The following SPECC1 variants were observed in gnomAD, a reference collection of about 807,000 sequenced individuals.
The protein encoded by SPECC1 is cytospin-B.
In SPECC1, 62 loss-of-function variants were observed where a neutral mutation model predicts 104.1. The observed-to-expected ratio is 0.60, with a 90% CI of 0.49 to 0.74. The LOEUF (loss-of-function observed/expected upper bound fraction) is 0.74. SPECC1 is among the 30% of genes least tolerant of loss of function. The probability of loss-of-function intolerance (pLI) is 0.00; values close to 1 mark genes in which losing one functional copy is unlikely to be tolerated. For missense variants in SPECC1, 1,306 were observed against 1,310.5 expected (o/e 1.00, Z 0.05); for synonymous variants, 513 against 501.6 (o/e 1.02, Z -0.30).
intron 7 of SPECC1, among the ~76,000 whole-genome samples, chr17:20,235,150 C>T (rs1398303708): frequency 6.6e-6 from 1 of 152,148 alleles, no homozygotes; most frequent in African/African-American, 2.4e-5. Context: ...GGTTAGCTGA[C>T]CTTTCCCTGG....
At chr17:20,016,202 A>G (rs1345598351) in intron 1 of SPECC1, among the ~76,000 whole-genome samples, 4 of 142,694 alleles carry the variant, frequency 2.8e-5, no homozygotes, top group Admixed American at 7.0e-5. Context: ...TGGGCGACAG[A>G]GAGCGACTCC....
chr17:20,289,463 G>A (rs1486533830), intron 12 of SPECC1, among the ~76,000 whole-genome samples: 1 of 152,036 alleles, frequency 6.6e-6, no homozygotes, highest in African/African-American at 2.4e-5. Flanking sequence ...CACCATGCCT[G>A]GCTAATTTTT....
intron 1 of SPECC1, among the ~76,000 whole-genome samples, chr17:20,079,686 T>G (rs1403969654): frequency 1.3e-5 from 2 of 152,172 alleles, no homozygotes; most frequent in Non-Finnish European, 2.9e-5. Flanking sequence ...GCTGGCAGTG[T>G]GCTAGGCCCT....
chr17:20,253,701 T>A, intron 10 of SPECC1, 115 bp downstream of exon 10: 1 of 969,706 alleles, frequency 1.0e-6, no homozygotes, highest in African/African-American at 1.6e-5. Context: ...TTCTTGCAAG[T>A]GATTTCAACC....
chr17:20,165,429 TACC>T (rs1395671532), intron 3 of SPECC1, among the ~76,000 whole-genome samples: 2 of 152,262 alleles, frequency 1.3e-5, no homozygotes, highest in East Asian at 3.8e-4. Context: ...GGTGTATATG[TACC>T]ACATTTTCTT....
chr17:20,056,933 C>T (rs2045986785), intron 1 of SPECC1, among the ~76,000 whole-genome samples: 1 of 152,118 alleles, frequency 6.6e-6, no homozygotes, highest in African/African-American at 2.4e-5. Context: ...CAGAGCCCTT[C>T]CATTTCTTTC....
intron 12 of SPECC1, among the ~76,000 whole-genome samples, chr17:20,267,225 ACT>A (rs1206310515): frequency 4.6e-5 from 7 of 151,774 alleles, no homozygotes; most frequent in Non-Finnish European, 1.5e-5. Context: ...CCTCTAAATT[ACT>A]CTCAGTCCTC....
chr17:20,118,446 A>G (rs1257093790), intron 3 of SPECC1, among the ~76,000 whole-genome samples: 1 of 152,234 alleles, frequency 6.6e-6, no homozygotes, highest in East Asian at 1.9e-4. Flanking sequence ...TGGTTGAACA[A>G]TGTGATTTTG....
rs1241508236 is a variant in SPECC1 at position 20,246,067 on chromosome 17, C to G, written c.2493C>G (p.Arg831=). 1 of 1,613,852 alleles carries G rather than the reference C, an allele frequency of 6.2e-7. No homozygotes were observed. The highest frequency in any genetic ancestry group is 1.7e-5 in the Admixed American group (1 of 59,980). Residue 831 remains arginine (R), a synonymous_variant, in exon 8 of 15, where the codon CGC becomes CGG. Coordinates refer to ENST00000395527, the MANE Select transcript of SPECC1 (RefSeq NM_001243439.2). ...TTATCAAGTCATTTGACTTGGGACG[C>G]CCAGGTATTTAATCATTTTTTCTAT... ...KSLIKSFDLG[R]PGGAGQNISV...
In SPECC1 at chr17:20,106,166, G is replaced by A. The variant is rs1746986974; in HGVS notation, c.148-4261G>A. On this transcript the variant is annotated intron_variant, in intron 2 of 14. Coordinates refer to ENST00000395527, the MANE Select transcript of SPECC1 (RefSeq NM_001243439.2). Reference sequence around the variant, plus strand: ...TTTCATTTGAGAAGTCATCTAGGGAGTTTTCAAAGTTTCAAACCAGAATTG... The same window carrying A: ...TTTCATTTGAGAAGTCATCTAGGGAATTTTCAAAGTTTCAAACCAGAATTG... Among the ~76,000 whole-genome samples, 5 of 152,174 alleles carry A rather than the reference G, an allele frequency of 3.3e-5. No individual in the cohort carries two copies. The East Asian group carries it at 9.6e-4, about 29-fold the overall frequency.
At chr17:20,106,658 T>C (rs1271929132) in intron 2 of SPECC1, among the ~76,000 whole-genome samples, 1 of 152,208 alleles carries the variant, frequency 6.6e-6, no homozygotes, top group Non-Finnish European at 1.5e-5. Context: ...CTCTCTTGCC[T>C]ACCAAGAGTA....
At chr17:20,144,175 CTTTTTT>C (rs1168474738) in intron 3 of SPECC1, among the ~76,000 whole-genome samples, 22 of 94,374 alleles carry the variant, frequency 2.3e-4, no homozygotes, top group African/African-American at 8.2e-4. Flanking sequence ...TTTTTCTTTT[CTTTTTT>C]TTTTTTTTTT....
chr17:20,207,148 C>G (rs1396682093), intron 4 of SPECC1, among the ~76,000 whole-genome samples: 1 of 152,122 alleles, frequency 6.6e-6, no homozygotes, highest in Non-Finnish European at 1.5e-5. Flanking sequence ...CATCTTCCTA[C>G]CTTAGTTTAG....
chr17:20,294,545 G>A (rs76007343), intron 12 of SPECC1, among the ~76,000 whole-genome samples: 2,263 of 152,184 alleles, frequency 0.015, 36 homozygotes, highest in African/African-American at 0.048. Context: ...TGCTTGTTGC[G>A]AATTGGGGTT....
intron 12 of SPECC1, among the ~76,000 whole-genome samples, chr17:20,266,321 C>G (rs1470416675): frequency 1.3e-5 from 2 of 152,208 alleles, no homozygotes; most frequent in Non-Finnish European, 2.9e-5. Flanking sequence ...CGGTGACTCA[C>G]GCCTGTAATC....
chr17:20,221,126 T>C (rs2037848393), intron 4 of SPECC1, among the ~76,000 whole-genome samples: 1 of 152,202 alleles, frequency 6.6e-6, no homozygotes, highest in African/African-American at 2.4e-5. Context: ...TAGTTTTCTT[T>C]TTTTCATGTA....
At chr17:20,072,544 A>G (rs1409864938) in intron 1 of SPECC1, among the ~76,000 whole-genome samples, 1 of 152,242 alleles carries the variant, frequency 6.6e-6, no homozygotes, top group Non-Finnish European at 1.5e-5. Context: ...CTGGATGGCC[A>G]TGAGAGGCAG....
intron 1 of SPECC1, among the ~76,000 whole-genome samples, chr17:20,048,341 G>A (rs1296054344): frequency 6.6e-6 from 1 of 151,928 alleles, no homozygotes; most frequent in Admixed American, 6.6e-5. Context: ...CACTGTGTTA[G>A]CCAGTATGGT....
chr17:20,115,632 A>C (rs73299649), intron 3 of SPECC1, among the ~76,000 whole-genome samples: 2,560 of 152,318 alleles, frequency 0.017, 75 homozygotes, highest in African/African-American at 0.058. Context: ...TTGGAATATA[A>C]TCTATCATAC....
Sources: allele counts gnomAD v4.1 joint callset (sites outside exome capture counted in the v4.1 genomes callset), GRCh38; gene constraint gnomAD v4.1.1; transcripts MANE v1.5; gene names NCBI Gene and HGNC (gene_info 2026-07-23, HGNC 2026-07-21).